Variants in TTLL5 observed in about 807,000 individuals in gnomAD.
TTLL5 encodes the protein tubulin polyglutamylase TTLL5.
In TTLL5, 132 loss-of-function variants were observed where a neutral mutation model predicts 168.4. That is an observed-to-expected ratio of 0.78 (90% confidence interval 0.68 to 0.91). The LOEUF (loss-of-function observed/expected upper bound fraction) is 0.91, where lower values mean the gene tolerates loss of function less well. TTLL5 is among the 40% of genes least tolerant of loss of function. The pLI is 0.00. For synonymous variants in TTLL5, 546 were observed against 558.6 expected (o/e 0.98, Z 0.32); for missense variants, 1,545 against 1,581.5 (o/e 0.98, Z 0.39).
chr14:75,757,738 T>A (rs779054244), intron 18 of TTLL5: 40 of 1,114,454 alleles, frequency 3.6e-5, no homozygotes, highest in Non-Finnish European at 4.7e-5. Flanking sequence ...TGAATTTCTG[T>A]ATTAAAAATT....
At chr14:75,830,587 G>A (rs1360412867) in intron 28 of TTLL5, among the ~76,000 whole-genome samples, 3 of 151,990 alleles carry the variant, frequency 2.0e-5, no homozygotes, top group South Asian at 2.1e-4. Context: ...AATAATTAAT[G>A]AAACATGAAA....
chr14:75,923,421 G>A (rs1418674868), intron 31 of TTLL5, among the ~76,000 whole-genome samples: 4 of 152,004 alleles, frequency 2.6e-5, no homozygotes, highest in South Asian at 2.1e-4. Context: ...CTTTGTTCTC[G>A]TTGGTTTCAA....
At chr14:75,762,945 A>C (rs1890742066) in intron 18 of TTLL5, among the ~76,000 whole-genome samples, 1 of 152,172 alleles carries the variant, frequency 6.6e-6, no homozygotes, top group South Asian at 2.1e-4. Context: ...AGGGTGTTGA[A>C]TTAACTTCCA....
At chr14:75,766,579 A>AC in intron 20 of TTLL5, among the ~76,000 whole-genome samples, 1 of 152,056 alleles carries the variant, frequency 6.6e-6, no homozygotes, top group Non-Finnish European at 1.5e-5. Context: ...TATGATACAA[A>AC]CCCGGGTCTC....
chr14:75,949,657 TGG>T (rs1271614709), intron 31 of TTLL5, among the ~76,000 whole-genome samples: 2 of 151,698 alleles, frequency 1.3e-5, no homozygotes, highest in Admixed American at 6.6e-5. Flanking sequence ...AAGACCAGCC[TGG>T]GCAACATGGC....
chr14:75,791,357 C>G (rs917558252), intron 26 of TTLL5, among the ~76,000 whole-genome samples: 1 of 151,924 alleles, frequency 6.6e-6, no homozygotes, highest in African/African-American at 2.4e-5. Flanking sequence ...GAATGCCAGA[C>G]AGCAAGGAAA....
At chr14:75,927,053 C>T (rs1364309768) in intron 31 of TTLL5, among the ~76,000 whole-genome samples, 2 of 152,086 alleles carry the variant, frequency 1.3e-5, no homozygotes, top group African/African-American at 2.4e-5. Flanking sequence ...TGAAAATGTT[C>T]TAAAATGAGA....
At chr14:75,689,460 A>C (rs1235826855) in intron 5 of TTLL5, 14 of 152,278 alleles carry the variant, frequency 9.2e-5, no homozygotes, top group Admixed American at 7.8e-4. Flanking sequence ...ACAACCAAGC[A>C]GTCCCACTTC....
intron 17 of TTLL5, among the ~76,000 whole-genome samples, chr14:75,749,474 C>T (rs1023321439): frequency 5.3e-5 from 8 of 152,142 alleles, no homozygotes; most frequent in Non-Finnish European, 7.4e-5. Flanking sequence ...AGCAAATGCA[C>T]TTCCTGTTGA....
chr14:75,820,156 A>C lies in TTLL5; in HGVS notation c.3321A>C (p.Gly1107=). The C allele has an allele frequency of 1.3e-6, 2 of 1,587,398 alleles. No individual in the cohort carries two copies. Among genetic ancestry groups the C allele is most frequent in the Non-Finnish European group, 1.7e-6 (2 of 1,168,698 alleles). Residue 1107 remains glycine (G), a synonymous_variant, in exon 28 of 32, where the codon GGA becomes GGC. Coordinates refer to ENST00000298832, the MANE Select transcript of TTLL5 (RefSeq NM_015072.5). The part of the protein sequence containing the change: ...QAPENHSSSP[G]SRSLQTGGFA... ...CCGAGAATCACTCCAGCTCTCCTGGAAGCAGGTATGTGAAGGGCCCTGCAA... is the reference window on the plus strand; with the variant it reads ...CCGAGAATCACTCCAGCTCTCCTGGCAGCAGGTATGTGAAGGGCCCTGCAA...
Position 75,783,270 on chromosome 14 carries a change from C to T in TTLL5, c.2726C>T (p.Ser909Phe). Residue 909 changes from serine (S) to phenylalanine (F), a missense_variant, in exon 26 of 32, where the codon TCT becomes TTT. Ser to Phe is a radical substitution (Grantham distance 155). Transcript: ENST00000298832. The part of the protein sequence containing the change: ...HLSSVTTSDL[S>F]PGPCHHSSLS... ...TCATCTGTTACAACCTCTGACCTCT[C>T]TCCAGGGCCTTGCCACCATTCTTCT... 1.2e-6 allele frequency: 2 copies of T among 1,614,216 alleles called. No individual in the cohort carries two copies. Among genetic ancestry groups the T allele is most frequent in the Non-Finnish European group, 1.7e-6 (2 of 1,180,038 alleles).
At chr14:75,796,998 A>AT (rs1482271351) in intron 27 of TTLL5, among the ~76,000 whole-genome samples, 1 of 151,994 alleles carries the variant, frequency 6.6e-6, no homozygotes, top group Non-Finnish European at 1.5e-5. Context: ...GAATTTGTAG[A>AT]TTGCTTTTGG....
intron 27 of TTLL5, among the ~76,000 whole-genome samples, chr14:75,804,798 T>C (rs777981372): frequency 6.6e-6 from 1 of 152,232 alleles, no homozygotes; most frequent in Admixed American, 6.5e-5. Flanking sequence ...GGGGTAGTTT[T>C]GGTATCAAGA....
intron 30 of TTLL5, 44 bp from the exon 31 acceptor site, chr14:75,902,098 C>A: frequency 1.3e-6 from 2 of 1,591,712 alleles, no homozygotes; most frequent in Non-Finnish European, 1.7e-6. Flanking sequence ...CACCTGACCT[C>A]ACCTTTCCGC....
Position 75,724,596 on chromosome 14 carries a change from A to G in TTLL5, c.1042+3893A>G, listed in dbSNP as rs151168585. 8.4e-3 allele frequency among the ~76,000 whole-genome samples: 1,272 copies of G among 152,298 alleles called. 16 individuals carry two copies. The highest frequency in any genetic ancestry group is 0.029 in the African/African-American group (1,195 of 41,562). ...ATTGAAACCCTGAGAAATGAACTCT[A>G]TGTTCCAGGTTCTAGAGTTAGTGAG... On this transcript the variant is annotated intron_variant, in intron 12 of 31. Transcript: ENST00000298832.
chr14:75,670,844 CTG>C (rs1465649381), intron 3 of TTLL5, among the ~76,000 whole-genome samples: 2 of 152,156 alleles, frequency 1.3e-5, no homozygotes, highest in African/African-American at 4.8e-5. Flanking sequence ...TATTCTTACT[CTG>C]TGAATTGTCT....
intron 6 of TTLL5, among the ~76,000 whole-genome samples, chr14:75,697,546 C>G (rs1885959753): frequency 6.6e-6 from 1 of 152,048 alleles, no homozygotes; most frequent in Non-Finnish European, 1.5e-5. Context: ...TTGACAAAGT[C>G]AAGTTTGTGT....
intron 12 of TTLL5, among the ~76,000 whole-genome samples, chr14:75,729,213 G>A (rs1019507223): frequency 1.3e-5 from 2 of 152,150 alleles, no homozygotes; most frequent in Non-Finnish European, 2.9e-5. Context: ...CTTCTGTCAT[G>A]ATAAAGACAA....
In TTLL5 at chr14:75,720,637, A is replaced by T; in HGVS notation, c.976A>T (p.Ile326Phe). Residue 326 changes from isoleucine to phenylalanine, a missense_variant, in exon 12 of 32, where the codon ATC becomes TTC. Coordinates refer to ENST00000298832, the MANE Select transcript of TTLL5 (RefSeq NM_015072.5). ...HVEDLIIKTI[I>F]SAELAIATAC... is the part of the protein sequence containing the mutation. Reference sequence around the variant, plus strand: ...AGAAGACCTGATCATTAAGACTATAATCTCTGCTGAACTAGCTATTGCTAC... The same window carrying T: ...AGAAGACCTGATCATTAAGACTATATTCTCTGCTGAACTAGCTATTGCTAC... 1 of 1,613,654 alleles carries T rather than the reference A, an allele frequency of 6.2e-7. No individual in the cohort carries two copies. Among genetic ancestry groups the T allele is most frequent in the Non-Finnish European group, 8.5e-7 (1 of 1,179,670 alleles).
Sources: gnomAD v4.1 joint callset for allele counts (sites outside exome capture counted in the v4.1 genomes callset) on GRCh38, gnomAD v4.1.1 for gene constraint, MANE v1.5 for transcripts, NCBI Gene and HGNC (gene_info 2026-07-23, HGNC 2026-07-21) for gene names.